FAM170A: variants seen among roughly 807,000 people sequenced by gnomAD.
The protein encoded by FAM170A is family with sequence similarity 170 member A, also known as protein FAM170A.
In FAM170A, 28 loss-of-function variants were observed where a neutral mutation model predicts 36.6. That is an observed-to-expected ratio of 0.76 (90% CI 0.57 to 1.05). FAM170A has a LOEUF of 1.05. Among genes scored for constraint, FAM170A ranks in the 50% least tolerant of loss-of-function variants. The pLI, the probability that FAM170A is intolerant of heterozygous loss-of-function variation, is 0.00. For missense variants in FAM170A, 434 were observed against 396.5 expected (o/e 1.09, Z -0.80); for synonymous variants, 156 against 143.9 (o/e 1.08, Z -0.60).
chr5:119,632,385 A>G (rs1756272274), intron 1 of FAM170A, among the ~76,000 whole-genome samples: 2 of 152,260 alleles, frequency 1.3e-5, no homozygotes, highest in Non-Finnish European at 2.9e-5. Context: ...AAAATTACAT[A>G]TTGCATAATT....
chr5:119,632,169 T>C (rs1756267722), intron 1 of FAM170A, among the ~76,000 whole-genome samples: 1 of 152,238 alleles, frequency 6.6e-6, no homozygotes, highest in South Asian at 2.1e-4. Context: ...TGAGCTGACC[T>C]ATGATATACT....
chr5:119,633,193 G>C (rs578224613), intron 2 of FAM170A, among the ~76,000 whole-genome samples: 2 of 152,168 alleles, frequency 1.3e-5, no homozygotes, highest in Non-Finnish European at 2.9e-5. Context: ...ATGGGATTGG[G>C]TGCAGGGCTC....
intron 1 of FAM170A, among the ~76,000 whole-genome samples, chr5:119,630,321 A>ATTTTTTTT (rs10603530): frequency 8.4e-5 from 10 of 118,384 alleles, no homozygotes; most frequent in Non-Finnish European, 9.9e-5. Flanking sequence ...CGCCTGGCTA[A>ATTTTTTTT]TTTTTTTTTT....
intron 4 of FAM170A, among the ~76,000 whole-genome samples, 174 bp downstream of exon 4, chr5:119,635,260 G>A (rs530324027): frequency 1.4e-4 from 21 of 152,358 alleles, no homozygotes; most frequent in African/African-American, 4.8e-4. Context: ...ATGACAAGGT[G>A]AAGAGCATTG....
chr5:119,632,873 A>C, exon 2 of FAM170A: 1 of 1,608,698 alleles, frequency 6.2e-7, no homozygotes, highest in Non-Finnish European at 8.5e-7. Context: ...TTCTTCACGC[A>C]AGCTCATCCA....
chr5:119,633,426 C>T (rs1756299689), intron 2 of FAM170A, among the ~76,000 whole-genome samples: 1 of 152,084 alleles, frequency 6.6e-6, no homozygotes, highest in South Asian at 2.1e-4. Context: ...TGTAGGGCCA[C>T]AGGACCAGAT....
exon 1 of FAM170A, chr5:119,629,639 G>A: frequency 2.9e-6 from 2 of 688,998 alleles, no homozygotes; most frequent in Admixed American, 4.3e-5. Context: ...TAGCTATCTC[G>A]GAGATTCAAC....
At chr5:119,633,684 C>T (rs1756306203) in intron 2 of FAM170A, among the ~76,000 whole-genome samples, 1 of 152,118 alleles carries the variant, frequency 6.6e-6, no homozygotes, top group Non-Finnish European at 1.5e-5. Context: ...CACCAACTCA[C>T]ATCCTCATAG....
At chr5:119,635,179 G>A in intron 4 of FAM170A, 93 bp downstream of exon 4, 1 of 852,440 alleles carries the variant, frequency 1.2e-6, no homozygotes, top group Non-Finnish European at 1.9e-6. Context: ...TGGGTCACCT[G>A]GTGGCTCTGC....
Position 119,634,266 on chromosome 5 carries a change from C to T in FAM170A, c.518C>T (p.Pro173Leu), listed in dbSNP as rs757845702. 16 of 1,614,066 alleles carry T rather than the reference C, an allele frequency of 9.9e-6. No individual in the cohort carries two copies. Among genetic ancestry groups the T allele is most frequent in the Middle Eastern group, 1.6e-4 (1 of 6,084 alleles). Residue 173 changes from proline to leucine, a missense_variant, in exon 3 of 5, where the codon CCC becomes CTC. Pro to Leu is a moderately conservative substitution (Grantham distance 98). Coordinates refer to ENST00000613773, the Ensembl canonical transcript of FAM170A. Reference sequence around the variant, plus strand: ...GAGGTTGTGAGGGTAGGTACTCCCCCCTCTGATGTGTCCACCAGAAACCTC... The same window carrying T: ...GAGGTTGTGAGGGTAGGTACTCCCCTCTCTGATGTGTCCACCAGAAACCTC...
At chr5:119,629,812 C>A in exon 1 of FAM170A, 1 of 1,613,662 alleles carries the variant, frequency 6.2e-7, no homozygotes, top group South Asian at 1.1e-5. Flanking sequence ...AATGAAGAGT[C>A]CCAGGAAACC....
At chr5:119,634,354 C>T in exon 3 of FAM170A, 1 of 1,614,184 alleles carries the variant, frequency 6.2e-7, no homozygotes, top group Non-Finnish European at 8.5e-7. Context: ...AATCAGACAG[C>T]CTGCCAGGCT....
exon 5 of FAM170A, chr5:119,635,793 T>C (rs942879620): frequency 2.6e-5 from 4 of 154,358 alleles, no homozygotes; most frequent in African/African-American, 7.2e-5. Flanking sequence ...GTAAACATCA[T>C]ACGTAATAAA....
At chr5:119,633,439 A>C (rs1308516244) in intron 2 of FAM170A, among the ~76,000 whole-genome samples, 2 of 152,050 alleles carry the variant, frequency 1.3e-5, no homozygotes, top group East Asian at 1.9e-4. Context: ...GACCAGATTA[A>C]GCACTTTCAT....
chr5:119,629,602 C>T (rs1043959846), exon 1 of FAM170A: 15 of 546,472 alleles, frequency 2.7e-5, no homozygotes, highest in Admixed American at 5.6e-5. Flanking sequence ...GGCAGTGCTG[C>T]TCCTTCACTA....
At chr5:119,630,987 G>A (rs1273345677) in intron 1 of FAM170A, among the ~76,000 whole-genome samples, 1 of 152,194 alleles carries the variant, frequency 6.6e-6, no homozygotes, top group Non-Finnish European at 1.5e-5. Context: ...TTGCTTCAGC[G>A]GGAAGAATTA....
At chr5:119,634,044 CACA>C (rs1362446540) in exon 3 of FAM170A, 3 of 1,614,204 alleles carry the variant, frequency 1.9e-6, no homozygotes, top group Non-Finnish European at 2.5e-6. Context: ...CCTCCCCGCT[CACA>C]ACATGTCTCC....
At chr5:119,633,972 T>C in exon 3 of FAM170A, 2 of 1,609,846 alleles carry the variant, frequency 1.2e-6, no homozygotes, top group Non-Finnish European at 1.7e-6. Context: ...ATCCAGAGAA[T>C]ACATCGAGAC....
chr5:119,630,329 T>G (rs1365633309), intron 1 of FAM170A, among the ~76,000 whole-genome samples: 1 of 143,810 alleles, frequency 7.0e-6, no homozygotes, highest in South Asian at 2.2e-4. Flanking sequence ...TAATTTTTTT[T>G]TTTTTTTTTT....
Sources: gnomAD v4.1 joint callset for allele counts (sites outside exome capture counted in the v4.1 genomes callset) on GRCh38, gnomAD v4.1.1 for gene constraint, MANE v1.5 for transcripts, NCBI Gene and HGNC (gene_info 2026-07-23, HGNC 2026-07-21) for gene names.